Variants in PUDP observed in about 807,000 individuals in gnomAD.
PUDP encodes pseudouridine-5'-phosphatase.
A neutral mutation model predicts 9.4 loss-of-function variants in PUDP; 8 were observed. The observed-to-expected ratio is 0.85, with a 90% CI of 0.50 to 1.53. The LOEUF (loss-of-function observed/expected upper bound fraction) is 1.53, where lower values mean the gene tolerates loss of function less well. Among genes scored for constraint, PUDP ranks in the 40% most tolerant of loss-of-function variants. PUDP has a pLI of 0.00. For synonymous variants in PUDP, 99 were observed against 80.7 expected (o/e 1.23, Z -1.22); for missense variants, 188 against 189.7 (o/e 0.99, Z 0.05).
rs188591077 is a variant in PUDP at position 7,054,144 on chromosome X, G to A, written c.511-3672C>T. 9.8e-5 allele frequency among the ~76,000 whole-genome samples: 11 copies of A among 112,033 alleles called. No individual in the cohort carries two copies. The East Asian group carries it at 2.8e-3, about 29-fold the overall frequency. ...AATAAGAAGGTGACGTAGGCTGGGC[G>A]CAGTGGCTCACACCTGTATTTTGGG... On this transcript the variant is annotated intron_variant, in intron 3 of 3. Coordinates refer to ENST00000381077, the MANE Select transcript of PUDP (RefSeq NM_012080.5).
At chrX:6,982,023 T>C (rs868584787) in intron 1 of PUDP, among the ~76,000 whole-genome samples, 2 of 86,978 alleles carry the variant, frequency 2.3e-5, no homozygotes, top group Non-Finnish European at 4.5e-5. Flanking sequence ...AACTTATGGA[T>C]ACACACACAC....
chrX:7,030,982 C>T (rs1000108865), intron 1 of PUDP, among the ~76,000 whole-genome samples: 3 of 111,515 alleles, frequency 2.7e-5, no homozygotes, highest in Non-Finnish European at 3.8e-5. Flanking sequence ...ATATGCTAAA[C>T]GAGGGGTTGA....
chrX:6,749,113 G>C (rs1925034879), intron 3 of PUDP, among the ~76,000 whole-genome samples: 1 of 111,853 alleles, frequency 8.9e-6, no homozygotes, highest in Non-Finnish European at 1.9e-5. Flanking sequence ...CACCAACGAA[G>C]GTTATTCCTG....
intron 3 of PUDP, among the ~76,000 whole-genome samples, chrX:6,826,217 G>A (rs746350283): frequency 6.3e-5 from 7 of 111,724 alleles, no homozygotes; most frequent in Non-Finnish European, 9.4e-5. Flanking sequence ...ATTTTTAAAT[G>A]GAAAGTCTAT....
intron 1 of PUDP, among the ~76,000 whole-genome samples, chrX:7,129,769 G>A (rs900143624): frequency 9.0e-6 from 1 of 111,594 alleles, no homozygotes; most frequent in East Asian, 2.8e-4. Context: ...TCTCACATCT[G>A]GGCAAGAGAA....
At chrX:6,866,965 C>T (rs913580941) in intron 3 of PUDP, among the ~76,000 whole-genome samples, 7 of 111,227 alleles carry the variant, frequency 6.3e-5, no homozygotes, top group African/African-American at 2.0e-4. Flanking sequence ...AGAGGGTAGG[C>T]GTAGGGTCAG....
intron 3 of PUDP, among the ~76,000 whole-genome samples, chrX:6,830,736 G>T (rs961323591): frequency 8.9e-5 from 10 of 112,190 alleles, no homozygotes; most frequent in African/African-American, 3.2e-5. Flanking sequence ...AATTTTAAGT[G>T]TAGTTATCAA....
intron 2 of PUDP, among the ~76,000 whole-genome samples, chrX:7,101,254 C>T (rs1214988086): frequency 9.1e-5 from 10 of 110,013 alleles, no homozygotes; most frequent in Non-Finnish European, 1.9e-5. Flanking sequence ...CACGCGCACA[C>T]ACAAATCATA....
At chrX:7,103,701 TAAAAAC>T (rs1379369934) in intron 2 of PUDP, among the ~76,000 whole-genome samples, 2 of 111,831 alleles carry the variant, frequency 1.8e-5, no homozygotes, top group African/African-American at 6.5e-5. Flanking sequence ...TCCTACAACA[TAAAAAC>T]AAAAACACAA....
At chrX:6,974,904 C>T (rs771343359) in intron 3 of PUDP, among the ~76,000 whole-genome samples, 29 of 110,019 alleles carry the variant, frequency 2.6e-4, no homozygotes, top group Non-Finnish European at 5.1e-4. Context: ...GAGGCTTGTT[C>T]ATTCCTTTTC....
intron 3 of PUDP, among the ~76,000 whole-genome samples, chrX:6,743,263 C>G (rs1924960866): frequency 8.9e-6 from 1 of 112,298 alleles, no homozygotes; most frequent in Non-Finnish European, 1.9e-5. Flanking sequence ...GCAGCCCCAC[C>G]AGCCAGTCAA....
At chrX:6,898,910 G>A (rs1322521786) in intron 3 of PUDP, among the ~76,000 whole-genome samples, 1 of 111,599 alleles carries the variant, frequency 9.0e-6, no homozygotes, top group Non-Finnish European at 1.9e-5. Context: ...CTTCTCTTCA[G>A]TATAAGAGTC....
At chrX:6,788,539 C>CAA (rs1750785190) in intron 3 of PUDP, among the ~76,000 whole-genome samples, 1 of 110,389 alleles carries the variant, frequency 9.1e-6, no homozygotes, top group Non-Finnish European at 1.9e-5. Context: ...CCCATCTCTA[C>CAA]AAAAAATACA....
chrX:6,757,646 A>T (rs1925184115), intron 3 of PUDP, among the ~76,000 whole-genome samples: 1 of 112,357 alleles, frequency 8.9e-6, no homozygotes, highest in Non-Finnish European at 1.9e-5. Context: ...AAAAAGTCTG[A>T]ACAAGGTTAT....
At chrX:7,054,301 T>G (rs1211024894) in intron 3 of PUDP, among the ~76,000 whole-genome samples, 1 of 110,907 alleles carries the variant, frequency 9.0e-6, no homozygotes, top group Non-Finnish European at 1.9e-5. Flanking sequence ...TCCCAGCTAC[T>G]CTGGAAGCTA....
intron 3 of PUDP, among the ~76,000 whole-genome samples, chrX:6,806,770 T>C (rs1179665869): frequency 2.7e-5 from 3 of 112,581 alleles, no homozygotes; most frequent in Non-Finnish European, 5.6e-5. Flanking sequence ...AAGGCTCATG[T>C]TGGAGCAATG....
At chrX:7,033,186 T>C (rs1929813268) in intron 1 of PUDP, among the ~76,000 whole-genome samples, 1 of 111,779 alleles carries the variant, frequency 8.9e-6, no homozygotes, top group African/African-American at 3.3e-5. Context: ...GACCTTGGAA[T>C]ACAGACTGAA....
At chrX:7,138,006 C>T (rs60313475) in intron 1 of PUDP, among the ~76,000 whole-genome samples, 4,664 of 111,911 alleles carry the variant, frequency 0.042, 233 homozygotes, top group African/African-American at 0.14. Flanking sequence ...CATGAAGGTA[C>T]TGACCCTATA....
At chrX:6,888,938 G>A (rs1316993339) in intron 3 of PUDP, among the ~76,000 whole-genome samples, 1 of 112,441 alleles carries the variant, frequency 8.9e-6, no homozygotes, top group Non-Finnish European at 1.9e-5. Context: ...GGAAGACACC[G>A]TTGAATGCAT....
Sources: gnomAD v4.1 joint callset for allele counts (sites outside exome capture counted in the v4.1 genomes callset) on GRCh38, gnomAD v4.1.1 for gene constraint, MANE v1.5 for transcripts, NCBI Gene and HGNC (gene_info 2026-07-23, HGNC 2026-07-21) for gene names.